TTC4: variants seen among roughly 807,000 people sequenced by gnomAD.
TTC4 encodes the protein hsp70/Hsp90 co-chaperone CNS1 homolog.
TTC4 carries 36 observed loss-of-function variants against 51.9 expected under a neutral mutation model. The observed-to-expected ratio is 0.69, with a 90% CI of 0.53 to 0.92. The LOEUF is 0.92. Ranked by LOEUF, TTC4 falls within the 40% of genes least tolerant of loss-of-function variation. The pLI is 0.00. For synonymous variants in TTC4, 144 were observed against 164.2 expected, an observed-to-expected ratio of 0.88 and a Z score of 0.94; for missense variants, 399 against 454.6, an observed-to-expected ratio of 0.88 and a Z score of 1.11.
chr1:54,722,341 T>G (rs1645752509), intron 4 of TTC4, among the ~76,000 whole-genome samples: 1 of 152,202 alleles, frequency 6.6e-6, no homozygotes, highest in South Asian at 2.1e-4. Flanking sequence ...ATATGCTTGG[T>G]CCTTTGTCTA....
chr1:54,731,679 C>T lies in TTC4; in HGVS notation c.875C>T (p.Ser292Phe), dbSNP rs1645867385. Residue 292 changes from serine (S) to phenylalanine (F), a missense_variant, in exon 7 of 10, where the codon TCT (serine) becomes TTT (phenylalanine). Ser to Phe is a radical substitution (Grantham distance 155). Coordinates refer to ENST00000371281, the MANE Select transcript of TTC4 (RefSeq NM_004623.5). ...GAGTATGCCCAGTCGGACTTCATCT[C>T]TGCTTTTCATGAGGACTCCAGGTAC... ...YPEYAQSDFI[S>F]AFHEDSRFID... is the part of the protein sequence containing the mutation. The T allele has an allele frequency of 6.2e-7, 1 of 1,614,114 alleles. No homozygotes were observed. Among genetic ancestry groups the T allele is most frequent in the Non-Finnish European group, 8.5e-7 (1 of 1,180,008 alleles).
At chr1:54,728,467 C>T in intron 6 of TTC4, 35 bp downstream of exon 6, 3 of 1,572,992 alleles carry the variant, frequency 1.9e-6, no homozygotes, top group Non-Finnish European at 2.6e-6. Context: ...TATGGTCCTG[C>T]TAAATCCACT....
At chr1:54,733,572 T>C in intron 7 of TTC4, 57 bp from the exon 8 acceptor site, 1 of 1,379,176 alleles carries the variant, frequency 7.3e-7, no homozygotes, top group Non-Finnish European at 1.0e-6. Context: ...TGGGGACCGA[T>C]GTGGGAAAAT....
At chr1:54,739,179 T>A (rs1389556208) in intron 9 of TTC4, among the ~76,000 whole-genome samples, 5 of 151,592 alleles carry the variant, frequency 3.3e-5, no homozygotes, top group Non-Finnish European at 1.5e-5. Flanking sequence ...GCCCCTAAAA[T>A]TTTTTTTTAA....
At chr1:54,727,751 A>G (rs187685760) in intron 5 of TTC4, among the ~76,000 whole-genome samples, 1 of 151,956 alleles carries the variant, frequency 6.6e-6, no homozygotes, top group South Asian at 2.1e-4. Context: ...TTGGTAAGTC[A>G]TAAGGGACTT....
rs1055618215 is a variant in TTC4, at chr1:54,737,768, A to G, written c.1061+104A>G. The G allele has an allele frequency of 6.8e-5, 82 of 1,198,516 alleles. No individual in the cohort carries two copies. The South Asian group carries it at 1.1e-3, about 16-fold the overall frequency. 74.2% of individuals were successfully genotyped at this position (1,198,516 alleles called of 1,614,324 possible). A position where few individuals can be genotyped will look rare whatever the true frequency, so the allele number is the denominator to read the frequency against. On this transcript the variant is annotated intron_variant, in intron 9 of 9. Transcript: ENST00000371281. ...ATACCTGAGACTGGTCAGTTTATAA[A>G]GAAAAGAGGTTTAGTGGAGAACTCA...
At position 54,721,193 on chromosome 1, in the gene TTC4, C is replaced by T; in HGVS notation, c.422C>T (p.Thr141Ile). The stretch of plus-strand genomic sequence containing the variant: ...TTTCGTTCTGCTCTCAATGATGTGA[C>T]AGCTGCCAGAAAGCTAAAACCCTGC... ...GNFRSALNDV[T>I]AARKLKPCHL... Residue 141 changes from threonine (T) to isoleucine (I), a missense_variant, in exon 4 of 10, where the codon ACA becomes ATA. Physicochemically the swap from Thr to Ile is moderately conservative, Grantham distance 89 (BLOSUM62 -1). This residue lies in a region of TTC4 where 316 missense variants were observed against 349.6 expected (regional missense o/e 0.90). Transcript: ENST00000371281. The T allele has an allele frequency of 1.2e-6, 2 of 1,613,482 alleles. No homozygotes were observed. The highest frequency in any genetic ancestry group is 2.2e-5 in the South Asian group (2 of 91,056).
intron 6 of TTC4, among the ~76,000 whole-genome samples, chr1:54,730,967 A>G (rs1265420773): frequency 1.3e-5 from 2 of 152,090 alleles, no homozygotes; most frequent in Non-Finnish European, 2.9e-5. Flanking sequence ...TAATTATTCC[A>G]TCGTCTATGG....
At chr1:54,719,231 A>G (rs1645714163) in intron 3 of TTC4, among the ~76,000 whole-genome samples, 1 of 135,204 alleles carries the variant, frequency 7.4e-6, no homozygotes, top group Non-Finnish European at 1.6e-5. Flanking sequence ...ACTGCTTCTT[A>G]AGTAGATTTT....
intron 6 of TTC4, among the ~76,000 whole-genome samples, chr1:54,731,019 A>G (rs542300320): frequency 6.6e-6 from 1 of 152,230 alleles, no homozygotes; most frequent in Admixed American, 6.5e-5. Context: ...CATTATTTCC[A>G]TAGCTGTCTC....
chr1:54,739,643 A>G (rs1228283120), intron 9 of TTC4, among the ~76,000 whole-genome samples: 4 of 152,166 alleles, frequency 2.6e-5, no homozygotes, highest in Non-Finnish European at 4.4e-5. Context: ...TTGCAAATTG[A>G]CTCTTGGACT....
At chr1:54,733,464 G>T (rs764526302) in intron 7 of TTC4, among the ~76,000 whole-genome samples, 165 bp from the exon 8 acceptor site, 2 of 151,712 alleles carry the variant, frequency 1.3e-5, no homozygotes, top group Non-Finnish European at 2.9e-5. Context: ...TGTCATAATA[G>T]GACAAGTGAT....
chr1:54,716,016 G>A lies in TTC4; in HGVS notation c.108G>A (p.Glu36=). The change falls in exon 1 of 10, where the codon GAG becomes GAA. Residue 36 remains glutamate (E), a synonymous_variant. Transcript: ENST00000371281. ...YRGGFHEDQW[E]KEFEKVPLFM... is the part of the protein sequence containing the mutation. ...GCGGCTTTCATGAGGACCAGTGGGA[G>A]AAGGTGGGCGGTCCTGGGGTCTCCC... 6.3e-7 allele frequency: 1 copy of A among 1,581,536 alleles called. No homozygotes were observed. The highest frequency in any genetic ancestry group is 8.6e-7 in the Non-Finnish European group (1 of 1,164,388).
At chr1:54,739,256 C>T (rs931392245) in intron 9 of TTC4, among the ~76,000 whole-genome samples, 1 of 152,098 alleles carries the variant, frequency 6.6e-6, no homozygotes, top group Admixed American at 6.5e-5. Flanking sequence ...AAGCAGTCCT[C>T]CTGCCTCACC....
At chr1:54,727,055 CAAAAA>C (rs56739564) in intron 5 of TTC4, among the ~76,000 whole-genome samples, 3 of 102,936 alleles carry the variant, frequency 2.9e-5, no homozygotes, top group East Asian at 5.3e-4. Flanking sequence ...TCATGAAAGA[CAAAAA>C]AAAAAAAAAA....
intron 8 of TTC4, among the ~76,000 whole-genome samples, chr1:54,736,233 G>A (rs1164428375): frequency 2.6e-5 from 3 of 117,500 alleles, no homozygotes; most frequent in Non-Finnish European, 5.0e-5. Flanking sequence ...AAGAGGAGAG[G>A]AGAGAGAAGA....
At chr1:54,726,546 G>A (rs1403118889) in intron 5 of TTC4, among the ~76,000 whole-genome samples, 2 of 152,072 alleles carry the variant, frequency 1.3e-5, no homozygotes, top group African/African-American at 2.4e-5. Context: ...GATTTTTAAT[G>A]AACACTCTGA....
Position 54,731,760 on chromosome 1 carries a change from A to G in TTC4, c.896+60A>G. The G allele has an allele frequency of 3.3e-6, 5 of 1,523,516 alleles. No individual in the cohort carries two copies. The South Asian group carries it at 5.9e-5, about 18-fold the overall frequency. The allele number at this position is 1,523,516 out of a possible 1,614,324, so 94.4% of individuals were successfully genotyped here. A position where few individuals can be genotyped will look rare whatever the true frequency, so the allele number is the denominator to read the frequency against. On this transcript the variant is annotated intron_variant, in intron 7 of 9. Transcript: ENST00000371281. ...TGCATGCTGTCTCTGTTTTTGTGGCAGGAGGGACGAGTGGATTTTTGGTTG... is the reference window on the plus strand; with the variant it reads ...TGCATGCTGTCTCTGTTTTTGTGGCGGGAGGGACGAGTGGATTTTTGGTTG...
chr1:54,737,760 G>A (rs12066201), intron 9 of TTC4, 96 bp downstream of exon 9: 91,918 of 1,265,114 alleles, frequency 0.073, 5,705 homozygotes, highest in African/African-American at 0.26. Flanking sequence ...AGACTGGTCA[G>A]TTTATAAAGA....
Sources: gnomAD v4.1 joint callset for allele counts (sites outside exome capture counted in the v4.1 genomes callset) on GRCh38, gnomAD v4.1.1 for gene constraint, gnomAD v4.1.1 regional missense constraint, MANE v1.5 for transcripts, NCBI Gene and HGNC (gene_info 2026-07-23, HGNC 2026-07-21) for gene names.